LTV1: variants seen among roughly 807,000 people sequenced by gnomAD.
The protein encoded by LTV1 is protein LTV1 homolog.
LTV1 carries 39 observed loss-of-function variants against 59.9 expected under a neutral mutation model. That is an observed-to-expected ratio of 0.65 (90% confidence interval 0.50 to 0.85). The LOEUF is 0.85. Ranked by LOEUF, LTV1 falls within the 40% of genes least tolerant of loss-of-function variation. The probability of loss-of-function intolerance (pLI) is 0.00; values close to 1 mark genes in which losing one functional copy is unlikely to be tolerated. For synonymous variants in LTV1, 171 were observed against 189.5 expected (o/e 0.90, Z 0.80); for missense variants, 493 against 549.1 (o/e 0.90, Z 1.02).
At chr6:143,859,853 C>T (rs1263344383) in intron 6 of LTV1, among the ~76,000 whole-genome samples, 5 of 152,104 alleles carry the variant, frequency 3.3e-5, no homozygotes, top group Non-Finnish European at 5.9e-5. Context: ...CCTATAATCT[C>T]AGAACTGTGG....
At chr6:143,854,597 C>T (rs1163623378) in intron 4 of LTV1, among the ~76,000 whole-genome samples, 1 of 152,052 alleles carries the variant, frequency 6.6e-6, no homozygotes, top group Non-Finnish European at 1.5e-5. Flanking sequence ...CTATAAATTT[C>T]CCCTTAAACA....
chr6:143,848,820 G>C, intron 3 of LTV1, among the ~76,000 whole-genome samples: 1 of 152,330 alleles, frequency 6.6e-6, no homozygotes, highest in Middle Eastern at 3.4e-3. Context: ...GCCACCAAGT[G>C]GTGGGTACTG....
rs748938773 is a variant in LTV1 at position 143,846,103 on chromosome 6, A to G, written c.188A>G (p.Asp63Gly). The G allele has an allele frequency of 6.2e-7, 1 of 1,614,224 alleles. No individual in the cohort carries two copies. Among genetic ancestry groups the G allele is most frequent in the Non-Finnish European group, 8.5e-7 (1 of 1,180,034 alleles). The change falls in exon 3 of 11, where the codon GAT (aspartate) becomes GGT (glycine). Residue 63 changes from aspartate to glycine, a missense_variant. Transcript: ENST00000367576. ...AEQRKYGVFFDDDYDYLQHLK... is the reference protein window; with the variant it reads ...AEQRKYGVFFGDDYDYLQHLK... ...CAGAGGAAGTATGGAGTGTTCTTTG[A>G]TGACGACTATGACTACCTGCAGCAC...
In LTV1 at chr6:143,843,395, T is replaced by C. The variant is rs1776831182; in HGVS notation, c.-83T>C. The C allele has an allele frequency of 6.3e-7, 1 of 1,578,938 alleles. No individual in the cohort carries two copies. Among genetic ancestry groups the C allele is most frequent in the South Asian group, 1.1e-5 (1 of 90,500 alleles). Reference sequence around the variant, plus strand: ...TGTGGTGAGGCCTACAGAAGCGGCCTTCAGCTGGACCTTGGTCTCCCCGCC... The same window carrying C: ...TGTGGTGAGGCCTACAGAAGCGGCCCTCAGCTGGACCTTGGTCTCCCCGCC... On this transcript the variant is annotated 5_prime_UTR_variant, in exon 1 of 11. Transcript: ENST00000367576.
At position 143,846,163 on chromosome 6, in the gene LTV1, C is replaced by T. The variant is rs1776887266; in HGVS notation, c.248C>T (p.Pro83Leu). 6.2e-7 allele frequency: 1 copy of T among 1,614,184 alleles called. No homozygotes were observed. Among genetic ancestry groups the T allele is most frequent in the African/African-American group, 1.3e-5 (1 of 75,048 alleles). Residue 83 changes from proline to leucine, a missense_variant, in exon 3 of 11, where the codon CCC becomes CTC. By Grantham distance (98) the Pro-to-Leu change is moderately conservative (BLOSUM62 -3). Transcript: ENST00000367576. ...KEPSGPSELI[P>L]SSTFSAHNRR... ...CCATCTGGGCCTTCAGAGCTTATTCCCTCAAGTACCTTCAGTGCACACAAC... is the reference window on the plus strand; with the variant it reads ...CCATCTGGGCCTTCAGAGCTTATTCTCTCAAGTACCTTCAGTGCACACAAC...
chr6:143,843,719 T>A lies in LTV1; in HGVS notation c.3+239T>A, dbSNP rs1436783583. Among the ~76,000 whole-genome samples, 5 of 152,224 alleles carry A rather than the reference T, an allele frequency of 3.3e-5. No homozygotes were observed. In the East Asian group the frequency reaches 5.8e-4, roughly 18 times the overall value. ...AGAGGAGAATGGCCTTTTTGTTTTA[T>A]CCCTGGGAGCCTGCAGCCCTGCGTG... On this transcript the variant is annotated intron_variant, in intron 1 of 10. Coordinates refer to ENST00000367576, the MANE Select transcript of LTV1 (RefSeq NM_032860.5).
intron 3 of LTV1, among the ~76,000 whole-genome samples, chr6:143,848,506 A>C (rs997351481): frequency 6.6e-6 from 1 of 152,200 alleles, no homozygotes; most frequent in Non-Finnish European, 1.5e-5. Context: ...GAGGCTTCCA[A>C]TTCAGAGAGC....
chr6:143,851,635 T>A (rs1048766371), intron 4 of LTV1, among the ~76,000 whole-genome samples: 17 of 152,116 alleles, frequency 1.1e-4, no homozygotes, highest in Non-Finnish European at 1.8e-4. Context: ...TGCAGGTTTG[T>A]TATGTAGGTA....
chr6:143,860,576 G>GT, intron 7 of LTV1, 23 bp downstream of exon 7: 1 of 1,568,238 alleles, frequency 6.4e-7, no homozygotes, highest in African/African-American at 1.4e-5. Context: ...TTCCTTCCTT[G>GT]TTTAGCTGTT....
intron 3 of LTV1, among the ~76,000 whole-genome samples, chr6:143,846,597 G>A (rs1776895079): frequency 6.6e-6 from 1 of 152,168 alleles, no homozygotes; most frequent in African/African-American, 2.4e-5. Context: ...GGAATATTCA[G>A]ATCTTTAACA....
At chr6:143,847,565 T>C (rs1776914375) in intron 3 of LTV1, among the ~76,000 whole-genome samples, 2 of 152,216 alleles carry the variant, frequency 1.3e-5, no homozygotes, top group Admixed American at 1.3e-4. Context: ...TTCTCCGTGT[T>C]GGTCAGGCTG....
In LTV1 at chr6:143,843,975, A is replaced by G. The variant is rs181976278; in HGVS notation, c.3+495A>G. Among the ~76,000 whole-genome samples the G allele has an allele frequency of 6.5e-4, 99 of 152,350 alleles. 2 individuals are homozygous for G. The highest frequency in any genetic ancestry group is 2.9e-3 in the Admixed American group (45 of 15,304). ...ATCAAAATTGAATAGCGAAGTAAGA[A>G]TGTAGAAAGAGGTGATGGATCTTAT... On this transcript the variant is annotated intron_variant, in intron 1 of 10. Transcript: ENST00000367576.
chr6:143,850,325 A>T (rs1776962310), intron 4 of LTV1, 107 bp downstream of exon 4: 1 of 762,898 alleles, frequency 1.3e-6, no homozygotes, highest in Non-Finnish European at 2.2e-6. Flanking sequence ...AACAATTGAG[A>T]TATGTCTGGA....
At position 143,862,947 on chromosome 6, in the gene LTV1, G is replaced by C. The variant is rs745965930; in HGVS notation, c.1116+51G>C. On this transcript the variant is annotated intron_variant, in intron 9 of 10. Coordinates refer to ENST00000367576, the MANE Select transcript of LTV1 (RefSeq NM_032860.5). The surrounding 1 kb of genome is among the most constrained non-coding windows in gnomAD (Gnocchi z 4.2). Reference sequence around the variant, plus strand: ...TGAAGGATGCAGTGCATAAAAAATAGAGTGCACATTTTCGCACAATAACTT... The same window carrying C: ...TGAAGGATGCAGTGCATAAAAAATACAGTGCACATTTTCGCACAATAACTT... 6 of 1,481,922 alleles carry C rather than the reference G, an allele frequency of 4.0e-6. No homozygotes were observed. Among genetic ancestry groups the C allele is most frequent in the African/African-American group, 1.4e-5 (1 of 71,998 alleles). The allele number at this position is 1,481,922 out of a possible 1,614,324, so 91.8% of individuals were successfully genotyped here. A position where few individuals can be genotyped will look rare whatever the true frequency, so the allele number is the denominator to read the frequency against.
At chr6:143,852,037 T>G (rs1008283152) in intron 4 of LTV1, among the ~76,000 whole-genome samples, 1 of 152,216 alleles carries the variant, frequency 6.6e-6, no homozygotes, top group African/African-American at 2.4e-5. Flanking sequence ...TAAACCTACG[T>G]GTGCATGTGT....
intron 3 of LTV1, among the ~76,000 whole-genome samples, chr6:143,848,880 T>G (rs574615392): frequency 1.3e-5 from 2 of 152,330 alleles, no homozygotes; most frequent in Non-Finnish European, 2.9e-5. Context: ...CAGTGAGCAC[T>G]GTGGTTCCGT....
Position 143,855,159 on chromosome 6 carries a change from G to A in LTV1, c.398-2144G>A, listed in dbSNP as rs1404515301. 6.6e-6 allele frequency among the ~76,000 whole-genome samples: 1 copy of A among 152,146 alleles called. No homozygotes were observed. Among genetic ancestry groups the A allele is most frequent in the Non-Finnish European group, 1.5e-5 (1 of 68,036 alleles). On this transcript the variant is annotated intron_variant, in intron 4 of 10. Transcript: ENST00000367576. This position sits in a 1 kb window ranked among gnomAD's most constrained non-coding sequence, Gnocchi z 4.6. Reference sequence around the variant, plus strand: ...ATTAGGTGCATATATATTTAGGGTAGTTAGCTCTTCTTGTTGCATTGTTCC... The same window carrying A: ...ATTAGGTGCATATATATTTAGGGTAATTAGCTCTTCTTGTTGCATTGTTCC...
At chr6:143,844,673 T>TC in intron 2 of LTV1, 56 bp downstream of exon 2, 34 of 303,094 alleles carry the variant, frequency 1.1e-4, no homozygotes, top group East Asian at 7.1e-4. Flanking sequence ...TTTTTTTTTC[T>TC]TTTTTTTTTT....
chr6:143,861,413 G>GA (rs1381562615), intron 7 of LTV1, among the ~76,000 whole-genome samples: 3 of 150,504 alleles, frequency 2.0e-5, no homozygotes, highest in Non-Finnish European at 3.0e-5. Flanking sequence ...CAGCCTGGGT[G>GA]ACAGGGCGAG....
Sources: gnomAD v4.1 joint callset for allele counts (sites outside exome capture counted in the v4.1 genomes callset) on GRCh38, gnomAD v4.1.1 for gene constraint, Gnocchi (gnomAD v3.1) non-coding constraint, MANE v1.5 for transcripts, NCBI Gene and HGNC (gene_info 2026-07-23, HGNC 2026-07-21) for gene names.